The following PRG4 variants were observed in gnomAD, a reference collection of about 807,000 sequenced individuals.
PRG4 encodes the protein articular superficial zone protein.
PRG4 carries 61 observed loss-of-function variants against 91.2 expected under a neutral mutation model. The observed-to-expected ratio is 0.67, with a 90% CI of 0.54 to 0.83. The LOEUF (loss-of-function observed/expected upper bound fraction) is 0.83. PRG4 is among the 40% of genes least tolerant of loss of function. PRG4 has a pLI of 0.00. For missense variants in PRG4, 1,564 were observed against 1,714.2 expected, an observed-to-expected ratio of 0.91 and a Z score of 1.55; for synonymous variants, 576 against 614.2, an observed-to-expected ratio of 0.94 and a Z score of 0.92.
intron 7 of PRG4, among the ~76,000 whole-genome samples, chr1:186,309,574 A>T (rs951223290): frequency 6.6e-6 from 1 of 152,216 alleles, no homozygotes; most frequent in African/African-American, 2.4e-5. Flanking sequence ...GGTCCATTCC[A>T]ATTCATAATA....
rs191295550 is a variant in PRG4 at position 186,305,443 on chromosome 1, G to A, written c.598+521G>A. Among the ~76,000 whole-genome samples the A allele has an allele frequency of 1.2e-3, 186 of 152,234 alleles. 1 individual carries two copies. Among genetic ancestry groups the A allele is most frequent in the Non-Finnish European group, 2.0e-3 (136 of 68,010 alleles). ...TCTGGCTGACTTTTCCTCTAGTAGA[G>A]ACTGTGCTACAGAATAGGCTATTAT... On this transcript the variant is annotated intron_variant, in intron 6 of 12. Transcript: ENST00000445192.
At chr1:186,312,478 A>C in intron 11 of PRG4, 106 bp downstream of exon 11, 4 of 1,141,088 alleles carry the variant, frequency 3.5e-6, no homozygotes, top group Non-Finnish European at 5.0e-6. Context: ...AACAGCCCTA[A>C]TAATTTAAGC....
rs770683732 is a variant in PRG4, at chr1:186,307,469, C to G, written c.1750C>G (p.Pro584Ala). Residue 584 changes from proline (P) to alanine (A), a missense_variant, in exon 7 of 13, where the codon CCT becomes GCT. Pro to Ala is a conservative substitution (Grantham distance 27). This residue lies in a region of PRG4 where 1,079 missense variants were observed against 1,162.2 expected (regional missense o/e 0.93). Transcript: ENST00000445192. ...KKPAPTTPKE[P>A]APTTPKEPAP... ...GCCTGCCCCAACTACCCCCAAGGAG[C>G]CTGCACCCACCACTCCCAAGGAACC... The G allele has an allele frequency of 1.9e-6, 3 of 1,568,458 alleles. No individual in the cohort carries two copies. The South Asian group carries it at 3.5e-5, about 18-fold the overall frequency.
At chr1:186,303,390 C>G (rs949148189) in intron 4 of PRG4, among the ~76,000 whole-genome samples, 1 of 151,440 alleles carries the variant, frequency 6.6e-6, no homozygotes, top group Non-Finnish European at 1.5e-5. Context: ...TTATCACAAC[C>G]CTTCTGTACC....
In PRG4 at chr1:186,312,837, A is replaced by G. The variant is rs770269033; in HGVS notation, c.4060A>G (p.Ile1354Val). ...ACTTCCAAATGTGGTTACCTCAGCT[A>G]TATCACTGCCCAACATCAGAAAACC... ...RGLPNVVTSA[I>V]SLPNIRKPDG... The change falls in exon 12 of 13, where the codon ATA (isoleucine) becomes GTA (valine). Residue 1354 changes from isoleucine (I) to valine (V), a missense_variant. Transcript: ENST00000445192. 1.9e-6 allele frequency: 3 copies of G among 1,612,034 alleles called. No homozygotes were observed. The highest frequency in any genetic ancestry group is 2.5e-6 in the Non-Finnish European group (3 of 1,178,102).
intron 6 of PRG4, among the ~76,000 whole-genome samples, chr1:186,305,767 C>A: frequency 6.6e-6 from 1 of 150,778 alleles, no homozygotes; most frequent in East Asian, 1.9e-4. Flanking sequence ...ACCCTAAGCT[C>A]CTCCTTATGT....
intron 2 of PRG4, among the ~76,000 whole-genome samples, chr1:186,299,463 T>C (rs1420798364): frequency 6.6e-6 from 1 of 152,238 alleles, no homozygotes; most frequent in African/African-American, 2.4e-5. Flanking sequence ...AAATAAGATA[T>C]ATCAGAGTTC....
At position 186,304,913 on chromosome 1, in the gene PRG4, A is replaced by G; in HGVS notation, c.589A>G (p.Lys197Glu). 6.2e-7 allele frequency: 1 copy of G among 1,613,330 alleles called. No homozygotes were observed. The highest frequency in any genetic ancestry group is 8.5e-7 in the Non-Finnish European group (1 of 1,179,474). ...AGCTGCTAATAGAGAATTACAGAAG[A>G]AACTCAAAGGTTTGAGCATTGATAA... ...NSAANRELQK[K>E]LKVKDNKKNR... The change falls in exon 6 of 13, where the codon AAA becomes GAA. Residue 197 changes from lysine (K) to glutamate (E), a missense_variant. Lys to Glu is a moderately conservative substitution (Grantham distance 56). Transcript: ENST00000445192.
rs145515394 is a variant in PRG4 at position 186,312,866 on chromosome 1, C to T, written c.4089C>T (p.Asp1363=). ...CACTGCCCAACATCAGAAAACCTGA[C>T]GGCTATGATTACTATGCCTTTTCTA... is the stretch of plus-strand genomic sequence containing the variant. ...AISLPNIRKP[D]GYDYYAFSKD... is the part of the protein sequence containing the mutation. Residue 1363 remains aspartate, a synonymous_variant, in exon 12 of 13, where the codon GAC becomes GAT. Coordinates refer to ENST00000445192, the MANE Select transcript of PRG4 (RefSeq NM_005807.6). 1.9e-4 allele frequency: 308 copies of T among 1,612,306 alleles called. No individual in the cohort carries two copies. The highest frequency in any genetic ancestry group is 2.2e-4 in the Non-Finnish European group (255 of 1,178,566).
chr1:186,307,739 C>T lies in PRG4; in HGVS notation c.2020C>T (p.Pro674Ser). The T allele has an allele frequency of 6.2e-7, 1 of 1,612,096 alleles. No individual in the cohort carries two copies. The highest frequency in any genetic ancestry group is 1.1e-5 in the South Asian group (1 of 91,028). Reference protein sequence around the residue: ...PAPTTPKAAAPNTPKEPAPTT... With the variant: ...PAPTTPKAAASNTPKEPAPTT... ...TCCCACCACTCCCAAGGCAGCGGCT[C>T]CCAACACCCCTAAGGAGCCTGCTCC... Residue 674 changes from proline to serine, a missense_variant, in exon 7 of 13, where the codon CCC (proline) becomes TCC (serine). Around this residue, in one of 3 missense-constraint regions of PRG4, gnomAD observed 1,079 missense variants for 1,162.2 expected, o/e 0.93. Coordinates refer to ENST00000445192, the MANE Select transcript of PRG4 (RefSeq NM_005807.6).
intron 10 of PRG4, 73 bp downstream of exon 10, chr1:186,311,669 C>G: frequency 1.4e-6 from 2 of 1,443,390 alleles, no homozygotes; most frequent in Non-Finnish European, 1.9e-6. Context: ...TTATTATTGA[C>G]TTTACTGTCA....
At chr1:186,310,458 A>G (rs1657114545) in intron 8 of PRG4, among the ~76,000 whole-genome samples, 1 of 152,248 alleles carries the variant, frequency 6.6e-6, no homozygotes, top group African/African-American at 2.4e-5. Flanking sequence ...ATTGAGATCT[A>G]AAGAGATAGT....
At position 186,314,331 on chromosome 1, in the gene PRG4, G is replaced by C. The variant is rs1230784308; in HGVS notation, c.*553G>C. ...ATTAACAATATAATGGCAATAGGTA[G>C]AGATACAACAAATGAATATAACACT... On this transcript the variant is annotated 3_prime_UTR_variant, in exon 13 of 13. Transcript: ENST00000445192. 1.3e-5 allele frequency: 5 copies of C among 387,968 alleles called. No homozygotes were observed. The East Asian group carries it at 2.3e-4, about 18-fold the overall frequency. The allele number at this position is 387,968 out of a possible 1,614,324, so 24.0% of individuals were successfully genotyped here.
chr1:186,297,992 G>C (rs890016659), intron 2 of PRG4, among the ~76,000 whole-genome samples: 1 of 152,168 alleles, frequency 6.6e-6, no homozygotes, highest in East Asian at 1.9e-4. Context: ...ACAACACTGG[G>C]GGCACTTTCT....
At chr1:186,300,941 G>A (rs555982247) in intron 3 of PRG4, among the ~76,000 whole-genome samples, 82 of 152,278 alleles carry the variant, frequency 5.4e-4, no homozygotes, top group African/African-American at 1.9e-3. Flanking sequence ...GTATTGGATA[G>A]GTAATTATTT....
At chr1:186,304,541 G>T (rs551617511) in intron 5 of PRG4, among the ~76,000 whole-genome samples, 15 of 152,286 alleles carry the variant, frequency 9.8e-5, no homozygotes, top group Admixed American at 8.5e-4. Flanking sequence ...TTTCTTTGTA[G>T]AATAATTTGA....
At chr1:186,311,719 A>G in intron 10 of PRG4, 123 bp downstream of exon 10, 7 of 1,088,694 alleles carry the variant, frequency 6.4e-6, no homozygotes, top group Non-Finnish European at 9.4e-6. Context: ...ATTTTCAGTG[A>G]AAAAAATCAA....
intron 3 of PRG4, among the ~76,000 whole-genome samples, 155 bp from the exon 4 acceptor site, chr1:186,301,436 TA>T (rs1656213062): frequency 6.6e-6 from 1 of 152,202 alleles, no homozygotes; most frequent in African/African-American, 2.4e-5. Flanking sequence ...GGATACCATC[TA>T]ATTTTTCCTG....
intron 3 of PRG4, among the ~76,000 whole-genome samples, chr1:186,300,606 T>A (rs995928300): frequency 1.3e-5 from 2 of 152,232 alleles, no homozygotes; most frequent in African/African-American, 2.4e-5. Context: ...AATGAGGACT[T>A]TCAATAGTTT....
Sources: gnomAD v4.1 joint callset for allele counts (sites outside exome capture counted in the v4.1 genomes callset) on GRCh38, gnomAD v4.1.1 for gene constraint, gnomAD v4.1.1 regional missense constraint, MANE v1.5 for transcripts, NCBI Gene and HGNC (gene_info 2026-07-23, HGNC 2026-07-21) for gene names.